TFPT: variants seen among roughly 807,000 people sequenced by gnomAD.
TFPT encodes INO80 complex subunit F.
In TFPT, 27 loss-of-function variants were observed where a neutral mutation model predicts 28.8. The observed-to-expected ratio is 0.94, with a 90% CI of 0.69 to 1.29. The LOEUF is 1.29. Among genes scored for constraint, TFPT ranks in the 50% most tolerant of loss-of-function variants. The probability of loss-of-function intolerance (pLI) is 0.00; values close to 1 mark genes in which losing one functional copy is unlikely to be tolerated. For synonymous variants in TFPT, 152 were observed against 142.8 expected, an observed-to-expected ratio of 1.06 and a Z score of -0.46; for missense variants, 330 against 338.0, an observed-to-expected ratio of 0.98 and a Z score of 0.19.
At chr19:54,112,282 C>G (rs1271980439) in intron 2 of TFPT, among the ~76,000 whole-genome samples, 1 of 150,882 alleles carries the variant, frequency 6.6e-6, no homozygotes. Context: ...TCAGATCTGC[C>G]ACTGCTGAGC....
intron 2 of TFPT, among the ~76,000 whole-genome samples, chr19:54,111,191 A>C (rs1459966838): frequency 6.6e-6 from 1 of 152,184 alleles, no homozygotes; most frequent in Non-Finnish European, 1.5e-5. Context: ...GATGTGACTC[A>C]GCCAAACAGG....
intron 3 of TFPT, 92 bp from the exon 4 acceptor site, chr19:54,108,487 C>G: frequency 6.2e-7 from 1 of 1,613,618 alleles, no homozygotes; most frequent in Non-Finnish European, 8.5e-7. Context: ...CCACTCCACT[C>G]AACGCCAAAG....
intron 1 of TFPT, chr19:54,114,989 G>A: frequency 7.5e-6 from 5 of 662,916 alleles, no homozygotes; most frequent in Non-Finnish European, 1.3e-5. Flanking sequence ...CAAGGACCCA[G>A]GGAGTCCAAG....
chr19:54,111,542 T>C (rs2073455139), intron 2 of TFPT, among the ~76,000 whole-genome samples: 1 of 148,892 alleles, frequency 6.7e-6, no homozygotes, highest in African/African-American at 2.5e-5. Context: ...TAGCTGGGTA[T>C]GGTGGCGCAT....
intron 3 of TFPT, among the ~76,000 whole-genome samples, chr19:54,109,771 TTCCC>T (rs2073388360): frequency 3.3e-5 from 1 of 30,148 alleles, no homozygotes; most frequent in Admixed American, 2.5e-4. Flanking sequence ...CATCCTGCTG[TTCCC>T]TCCCTTCAGG....
At chr19:54,114,809 C>G (rs1478105784) in intron 1 of TFPT, 109 bp from the exon 2 acceptor site, 3 of 1,431,912 alleles carry the variant, frequency 2.1e-6, no homozygotes, top group Non-Finnish European at 2.8e-6. Flanking sequence ...ATCCTAGAAT[C>G]CAGGCCCCCA....
intron 5 of TFPT, 43 bp from the exon 6 acceptor site, chr19:54,107,212 T>C: frequency 1.3e-6 from 2 of 1,582,852 alleles, no homozygotes; most frequent in East Asian, 2.2e-5. Flanking sequence ...CCTGGGAATC[T>C]AGAAAATCCC....
At chr19:54,107,543 C>T in intron 5 of TFPT, 1 of 298,262 alleles carries the variant, frequency 3.4e-6, no homozygotes. Flanking sequence ...GCCACTGCAC[C>T]TGGCCAGCCT....
intron 2 of TFPT, among the ~76,000 whole-genome samples, chr19:54,110,732 C>G (rs587657584): frequency 6.6e-6 from 1 of 151,988 alleles, no homozygotes; most frequent in Admixed American, 6.6e-5. Context: ...ACCCGACCCC[C>G]CTTCCCATGC....
rs376692341 is a variant in TFPT, at chr19:54,115,234, C to T, written c.23+13G>A. ...TGGGATTCGCACTTTTTCACAAGGG[C>T]TCAGCCACATACCCTTCTCTCTGCT... On this transcript the variant is annotated intron_variant, in intron 1 of 5. Transcript: ENST00000391759. 5.0e-6 allele frequency: 8 copies of T among 1,613,998 alleles called. No homozygotes were observed. The highest frequency in any genetic ancestry group is 1.7e-5 in the Admixed American group (1 of 60,004).
Position 54,115,475 on chromosome 19 carries a change from C to T in TFPT, c.-206G>A. 1.6e-6 allele frequency: 1 copy of T among 641,802 alleles called. No individual in the cohort carries two copies. The highest frequency in any genetic ancestry group is 2.7e-6 in the Non-Finnish European group (1 of 372,760). 39.8% of individuals were successfully genotyped at this position (641,802 alleles called of 1,614,324 possible). On this transcript the variant is annotated 5_prime_UTR_variant, in exon 1 of 6. Coordinates refer to ENST00000391759, the MANE Select transcript of TFPT (RefSeq NM_013342.4). ...TCCACCCCGAATCCCTGCTTAAAGG[C>T]CTTGCTTTCTTGTCTAACGCCGCAA... is the stretch of plus-strand genomic sequence containing the variant.
In TFPT at chr19:54,114,653, G is replaced by A. The variant is rs587617418; in HGVS notation, c.71C>T (p.Ser24Leu). 9.3e-6 allele frequency: 15 copies of A among 1,613,964 alleles called. No homozygotes were observed. In the African/African-American group the frequency reaches 1.6e-4, roughly 17 times the overall value. The change falls in exon 2 of 6, where the codon TCA becomes TTA. Residue 24 changes from serine (S) to leucine (L), a missense_variant. Transcript: ENST00000391759. Reference protein sequence around the residue: ...GFEEFSAPPGSELALPPLFGG... With the variant: ...GFEEFSAPPGLELALPPLFGG... ...AAATAGGGGAGGCAACGCCAACTCT[G>A]AGCCTGGCGGCGCTGAGAACTCCTC...
chr19:54,107,089 C>T lies in TFPT; in HGVS notation c.723G>A (p.Leu241=). The T allele has an allele frequency of 6.2e-7, 1 of 1,613,870 alleles. No homozygotes were observed. The highest frequency in any genetic ancestry group is 8.5e-7 in the Non-Finnish European group (1 of 1,179,976). The change falls in exon 6 of 6, where the codon CTG becomes CTA. Residue 241 remains leucine, a synonymous_variant. Transcript: ENST00000391759. ...GGCTGGCCAGGGTCGGGTAGGGCAG[C>T]AGTTTGTCTGGACCCCGAGAAACCC... ...SSWVSRGPDK[L]LPYPTLASPA... is the part of the protein sequence containing the mutation.
chr19:54,107,716 T>C (rs974044914), intron 5 of TFPT: 4 of 396,684 alleles, frequency 1.0e-5, no homozygotes, highest in Non-Finnish European at 1.8e-5. Context: ...CCCAGCCTTC[T>C]CTAGCTATTT....
chr19:54,114,736 C>G, intron 1 of TFPT, 36 bp from the exon 2 acceptor site: 1 of 1,588,430 alleles, frequency 6.3e-7, no homozygotes, highest in South Asian at 1.1e-5. Context: ...GCCCTGGATC[C>G]TGGACCCCCA....
In TFPT at chr19:54,114,488, C is replaced by A. The variant is rs747776427; in HGVS notation, c.236G>T (p.Arg79Leu). 1 of 1,613,840 alleles carries A rather than the reference C, an allele frequency of 6.2e-7. No individual in the cohort carries two copies. The highest frequency in any genetic ancestry group is 1.7e-5 in the Admixed American group (1 of 60,018). ...GRRRRQRELN[R>L]RKYQALGRRC... is the part of the protein sequence containing the mutation. Reference sequence around the variant, plus strand: ...CCGACCTAGTGCCTGGTACTTTCTGCGATTTAATTCCCGCTGGCGCCGCCG... The same window carrying A: ...CCGACCTAGTGCCTGGTACTTTCTGAGATTTAATTCCCGCTGGCGCCGCCG... The change falls in exon 2 of 6, where the codon CGC becomes CTC. Residue 79 changes from arginine to leucine, a missense_variant. Transcript: ENST00000391759.
Position 54,114,426 on chromosome 19 carries a change from A to T in TFPT, c.282+16T>A, listed in dbSNP as rs199500689. The T allele has an allele frequency of 5.6e-6, 9 of 1,605,664 alleles. No homozygotes were observed. Among genetic ancestry groups the T allele is most frequent in the Non-Finnish European group, 7.7e-6 (9 of 1,175,116 alleles). ...GGCCAGGGGACCCCAAAACCGGGGG[A>T]TCCGCACTCACCTACCTGCTCGATC... On this transcript the variant is annotated intron_variant, in intron 2 of 5. Transcript: ENST00000391759.
At position 54,114,519 on chromosome 19, in the gene TFPT, C is replaced by T. The variant is rs759494963; in HGVS notation, c.205G>A (p.Gly69Ser). 11 of 1,613,994 alleles carry T rather than the reference C, an allele frequency of 6.8e-6. No homozygotes were observed. Among genetic ancestry groups the T allele is most frequent in the Non-Finnish European group, 9.3e-6 (11 of 1,179,992 alleles). The change falls in exon 2 of 6, where the codon GGT becomes AGT. Residue 69 changes from glycine (G) to serine (S), a missense_variant. Transcript: ENST00000391759. ...AATTCCCGCTGGCGCCGCCGCCGAC[C>T]CCGGGCTGCCTCTTCCTCTTCATCT... ...ERDEEEEAAR[G>S]RRRRQRELNR...
chr19:54,114,422 G>C lies in TFPT; in HGVS notation c.282+20C>G, dbSNP rs201086126. 1.3e-6 allele frequency: 2 copies of C among 1,599,338 alleles called. No individual in the cohort carries two copies. Among genetic ancestry groups the C allele is most frequent in the Non-Finnish European group, 1.7e-6 (2 of 1,171,036 alleles). The stretch of plus-strand genomic sequence containing the variant: ...TTTAGGCCAGGGGACCCCAAAACCG[G>C]GGGATCCGCACTCACCTACCTGCTC... On this transcript the variant is annotated intron_variant, in intron 2 of 5. Transcript: ENST00000391759.
Sources: allele counts gnomAD v4.1 joint callset (sites outside exome capture counted in the v4.1 genomes callset), GRCh38; gene constraint gnomAD v4.1.1; transcripts MANE v1.5; gene names NCBI Gene and HGNC (gene_info 2026-07-23, HGNC 2026-07-21).